STN1: variants seen among roughly 807,000 people sequenced by gnomAD.
The protein encoded by STN1 is STN1 subunit of CST complex.
In STN1, 29 loss-of-function variants were observed where a neutral mutation model predicts 45.5. The ratio of observed to expected loss-of-function variants is 0.64; its 90% CI spans 0.47 to 0.87. The LOEUF (loss-of-function observed/expected upper bound fraction) is 0.87, where lower values mean the gene tolerates loss of function less well. STN1 is among the 40% of genes least tolerant of loss of function. The pLI is 0.00. For missense variants in STN1, 376 were observed against 441.4 expected (o/e 0.85, Z 1.33); for synonymous variants, 148 against 159.0 (o/e 0.93, Z 0.52).
intron 9 of STN1, among the ~76,000 whole-genome samples, chr10:103,886,944 G>C (rs1843107405): frequency 6.6e-6 from 1 of 152,218 alleles, no homozygotes; most frequent in South Asian, 2.1e-4. Context: ...CATCTTCAGA[G>C]AACAAGTATC....
intron 2 of STN1, among the ~76,000 whole-genome samples, chr10:103,916,509 A>G (rs1171222845): frequency 6.6e-6 from 1 of 152,250 alleles, no homozygotes; most frequent in Non-Finnish European, 1.5e-5. Context: ...ATATATTTGT[A>G]CATTTAACTG....
At chr10:103,895,721 G>A (rs571776527) in intron 7 of STN1, among the ~76,000 whole-genome samples, 11 of 152,226 alleles carry the variant, frequency 7.2e-5, no homozygotes, top group Non-Finnish European at 1.2e-4. Flanking sequence ...TCATGCCCAG[G>A]AAGTCAGGAT....
intron 2 of STN1, among the ~76,000 whole-genome samples, chr10:103,913,858 C>T (rs1396483662): frequency 1.3e-5 from 2 of 151,858 alleles, no homozygotes; most frequent in Non-Finnish European, 2.9e-5. Flanking sequence ...CCACATGCAG[C>T]CCACAGAGGC....
rs528860622 is a variant in STN1 at position 103,899,468 on chromosome 10, G to A, written c.458-468C>T. 2.0e-5 allele frequency among the ~76,000 whole-genome samples: 3 copies of A among 152,334 alleles called. No individual in the cohort carries two copies. In the East Asian group the frequency reaches 5.8e-4, roughly 29 times the overall value. On this transcript the variant is annotated intron_variant, in intron 5 of 9. Transcript: ENST00000224950. ...CCAGCACTCTGGGAGGCTGAGGTGG[G>A]CGGATCTCTTGAGCTCAGAAATTTG... is the stretch of plus-strand genomic sequence containing the variant.
intron 9 of STN1, among the ~76,000 whole-genome samples, chr10:103,883,176 G>A (rs1843082019): frequency 6.6e-6 from 1 of 152,198 alleles, no homozygotes; most frequent in Non-Finnish European, 1.5e-5. Context: ...ATGTATAAGT[G>A]TAACGTATTC....
At position 103,882,738 on chromosome 10, in the gene STN1, C is replaced by T. The variant is rs1240274605; in HGVS notation, c.1053G>A (p.Leu351=). The change falls in exon 10 of 10, where the codon CTG becomes CTA. Residue 351 remains leucine (L), a synonymous_variant. Transcript: ENST00000224950. The part of the protein sequence containing the change: ...EAVLQQVLEL[L]EDQSDIVSTM... ...TGCTGACAATGTCACTCTGGTCCTCCAGGAGCTCCAGAACTTGCTGCAGCA... is the reference window on the plus strand; with the variant it reads ...TGCTGACAATGTCACTCTGGTCCTCTAGGAGCTCCAGAACTTGCTGCAGCA... 6.2e-7 allele frequency: 1 copy of T among 1,614,108 alleles called. No homozygotes were observed. The highest frequency in any genetic ancestry group is 2.2e-5 in the East Asian group (1 of 44,902).
At chr10:103,899,757 T>G (rs991296915) in intron 5 of STN1, among the ~76,000 whole-genome samples, 8 of 152,226 alleles carry the variant, frequency 5.3e-5, no homozygotes, top group Non-Finnish European at 1.0e-4. Context: ...TATTTTGCCC[T>G]AATGGATTGA....
intron 7 of STN1, among the ~76,000 whole-genome samples, chr10:103,895,517 G>A (rs1378493581): frequency 6.6e-6 from 1 of 152,194 alleles, no homozygotes; most frequent in East Asian, 1.9e-4. Context: ...GCTGTCAGCC[G>A]ACAGCTGGAG....
chr10:103,907,112 A>G (rs1474722987), intron 3 of STN1, among the ~76,000 whole-genome samples: 1 of 152,184 alleles, frequency 6.6e-6, no homozygotes, highest in Non-Finnish European at 1.5e-5. Flanking sequence ...ACACAGTGAG[A>G]CCCTGCCTCT....
chr10:103,913,316 T>C (rs775219068), intron 2 of STN1, among the ~76,000 whole-genome samples: 1 of 152,194 alleles, frequency 6.6e-6, no homozygotes, highest in Admixed American at 6.5e-5. Flanking sequence ...GTGGACACAG[T>C]AGACTTTCTT....
At chr10:103,895,491 G>C (rs1350372928) in intron 7 of STN1, among the ~76,000 whole-genome samples, 1 of 152,234 alleles carries the variant, frequency 6.6e-6, no homozygotes. Context: ...GATTAAGTGG[G>C]AAGAAGGTCA....
chr10:103,897,235 A>T (rs1046253369), intron 7 of STN1, among the ~76,000 whole-genome samples: 2 of 152,090 alleles, frequency 1.3e-5, no homozygotes, highest in Non-Finnish European at 2.9e-5. Flanking sequence ...GTGATGGCAC[A>T]TGCCTGTGGT....
At chr10:103,896,646 G>A (rs1389556605) in intron 7 of STN1, among the ~76,000 whole-genome samples, 3 of 151,622 alleles carry the variant, frequency 2.0e-5, no homozygotes, top group Non-Finnish European at 4.4e-5. Context: ...TTGGGACAAG[G>A]TCTCACTCCG....
chr10:103,909,226 T>C (rs1214591927), intron 3 of STN1, among the ~76,000 whole-genome samples: 1 of 150,758 alleles, frequency 6.6e-6, no homozygotes, highest in East Asian at 1.9e-4. Flanking sequence ...CATAGCTGGA[T>C]ACACTGTAGG....
chr10:103,907,134 GT>G (rs1358945622), intron 3 of STN1, among the ~76,000 whole-genome samples: 1 of 152,094 alleles, frequency 6.6e-6, no homozygotes, highest in Admixed American at 6.5e-5. Context: ...AAAAAAAGTT[GT>G]TTTTAAATGT....
intron 3 of STN1, among the ~76,000 whole-genome samples, chr10:103,907,476 T>C (rs1843249388): frequency 6.6e-6 from 1 of 152,194 alleles, no homozygotes; most frequent in Non-Finnish European, 1.5e-5. Flanking sequence ...ACATTCAATG[T>C]ATACGTTGAC....
intron 1 of STN1, 84 bp from the exon 2 acceptor site, chr10:103,917,740 TC>T: frequency 1.3e-6 from 1 of 771,796 alleles, no homozygotes; most frequent in Non-Finnish European, 2.0e-6. Context: ...CAGGTGGGCG[TC>T]CAGGACTCCA....
intron 4 of STN1, among the ~76,000 whole-genome samples, chr10:103,901,604 G>A (rs1199386973): frequency 6.6e-6 from 1 of 152,156 alleles, no homozygotes; most frequent in African/African-American, 2.4e-5. Context: ...TAACAGTAGA[G>A]TCTACCTCAT....
intron 3 of STN1, among the ~76,000 whole-genome samples, chr10:103,909,406 A>ATG (rs1554837216): frequency 9.9e-5 from 4 of 40,504 alleles, no homozygotes; most frequent in African/African-American, 3.6e-4. Flanking sequence ...ATGTATATAT[A>ATG]TGTATATATG....
Sources: gnomAD v4.1 joint callset for allele counts (sites outside exome capture counted in the v4.1 genomes callset) on GRCh38, gnomAD v4.1.1 for gene constraint, MANE v1.5 for transcripts, NCBI Gene and HGNC (gene_info 2026-07-23, HGNC 2026-07-21) for gene names.